Variants in DOCK4 observed in about 807,000 individuals in gnomAD.
The protein encoded by DOCK4 is dedicator of cytokinesis 4.
Under a neutral mutation model 268.1 loss-of-function variants are expected in DOCK4, and 97 were observed. That is an observed-to-expected ratio of 0.36 (90% CI 0.31 to 0.43). The LOEUF (loss-of-function observed/expected upper bound fraction) is 0.43. Ranked by LOEUF, DOCK4 falls within the 20% of genes least tolerant of loss-of-function variation. The pLI is 1.00. For missense variants in DOCK4, 2,145 were observed against 2,455.7 expected (o/e 0.87, Z 2.67); for synonymous variants, 954 against 887.2 (o/e 1.08, Z -1.34).
At chr7:111,796,966 C>T (rs994893717) in intron 30 of DOCK4, among the ~76,000 whole-genome samples, 1 of 152,170 alleles carries the variant, frequency 6.6e-6, no homozygotes, top group Non-Finnish European at 1.5e-5. Context: ...GGAAAACAGT[C>T]GGAGAATGCT....
intron 26 of DOCK4, 47 bp downstream of exon 26, chr7:111,834,541 T>C (rs1490663519): frequency 7.1e-6 from 10 of 1,402,514 alleles, no homozygotes; most frequent in Non-Finnish European, 9.7e-6. Context: ...AAAAACAAGA[T>C]AAACCCAAAA....
At chr7:111,858,879 C>T (rs1244430955) in intron 23 of DOCK4, among the ~76,000 whole-genome samples, 1 of 151,182 alleles carries the variant, frequency 6.6e-6, no homozygotes, top group Non-Finnish European at 1.5e-5. Flanking sequence ...TTCTGTTTCT[C>T]TGGAGAAATC....
intron 26 of DOCK4, among the ~76,000 whole-genome samples, chr7:111,826,143 T>TA (rs1563556319): frequency 1.3e-5 from 2 of 152,170 alleles, no homozygotes; most frequent in Admixed American, 6.5e-5. Context: ...ACCACACAGA[T>TA]ACATGTATGC....
intron 36 of DOCK4, among the ~76,000 whole-genome samples, chr7:111,775,969 C>T (rs956836202): frequency 6.6e-5 from 10 of 152,136 alleles, no homozygotes; most frequent in South Asian, 2.1e-4. Flanking sequence ...GAAAGGGATA[C>T]TAAATTCTGC....
intron 1 of DOCK4, among the ~76,000 whole-genome samples, chr7:112,136,935 G>A (rs1586899604): frequency 6.6e-6 from 1 of 152,254 alleles, no homozygotes; most frequent in Non-Finnish European, 1.5e-5. Flanking sequence ...TGGAATTTGG[G>A]AGAGAGGCAA....
chr7:111,733,374 T>C (rs1795242998), intron 51 of DOCK4, among the ~76,000 whole-genome samples: 1 of 152,226 alleles, frequency 6.6e-6, no homozygotes, highest in African/African-American at 2.4e-5. Flanking sequence ...GAGTGCTCCA[T>C]GATCACACTG....
rs60146972 is a variant in DOCK4 at position 111,976,269 on chromosome 7, T to TTATATA, written c.701+857_701+862dup. ...GTATATATATGTGTATGTGTGTCTA[T>TTATATA]TATATATATATATATATATATATAT... On this transcript the variant is annotated intron_variant, in intron 8 of 52. Coordinates refer to ENST00000428084, the MANE Select transcript of DOCK4 (RefSeq NM_001363540.2). Among the ~76,000 whole-genome samples the TTATATA allele has an allele frequency of 2.4e-3, 81 of 33,136 alleles. 2 individuals carry two copies. The highest frequency in any genetic ancestry group is 3.2e-3 in the African/African-American group (27 of 8,362). 21.7% of individuals were successfully genotyped at this position (33,136 alleles called of 152,430 possible). A position where few individuals can be genotyped will look rare whatever the true frequency, so the allele number is the denominator to read the frequency against.
intron 13 of DOCK4, among the ~76,000 whole-genome samples, chr7:111,911,407 A>T (rs895042740): frequency 2.0e-5 from 3 of 152,200 alleles, no homozygotes; most frequent in Non-Finnish European, 2.9e-5. Flanking sequence ...AGTTGCTTTC[A>T]GTTGTTTAAG....
intron 1 of DOCK4, among the ~76,000 whole-genome samples, chr7:112,011,011 G>C (rs539971171): frequency 6.6e-6 from 1 of 152,334 alleles, no homozygotes; most frequent in African/African-American, 2.4e-5. Flanking sequence ...GTGGCTGGGA[G>C]TGCTGGGGTA....
chr7:112,055,371 C>T (rs1300966306), intron 1 of DOCK4, among the ~76,000 whole-genome samples: 1 of 152,180 alleles, frequency 6.6e-6, no homozygotes, highest in Non-Finnish European at 1.5e-5. Flanking sequence ...CCCACACTCA[C>T]TCAGATGGAG....
At chr7:111,758,164 A>G (rs376985192) in intron 41 of DOCK4, among the ~76,000 whole-genome samples, 6 of 152,202 alleles carry the variant, frequency 3.9e-5, no homozygotes, top group African/African-American at 1.4e-4. Context: ...CCAACGTACC[A>G]GCAGTCTACC....
At chr7:111,835,305 G>A (rs1803153051) in intron 25 of DOCK4, among the ~76,000 whole-genome samples, 1 of 152,134 alleles carries the variant, frequency 6.6e-6, no homozygotes, top group African/African-American at 2.4e-5. Flanking sequence ...GCCATATGTT[G>A]CATAATGTTC....
intron 26 of DOCK4, among the ~76,000 whole-genome samples, chr7:111,825,957 G>T (rs1365619952): frequency 6.6e-6 from 1 of 152,162 alleles, no homozygotes; most frequent in African/African-American, 2.4e-5. Context: ...TTTACTATGT[G>T]CCAGGCACTG....
At chr7:112,140,772 G>C (rs1814844165) in intron 1 of DOCK4, among the ~76,000 whole-genome samples, 1 of 152,010 alleles carries the variant, frequency 6.6e-6, no homozygotes, top group African/African-American at 2.4e-5. Flanking sequence ...GGCTTTGGGA[G>C]AATTCCTTTT....
intron 1 of DOCK4, among the ~76,000 whole-genome samples, chr7:112,114,119 A>G (rs752761693): frequency 6.6e-6 from 1 of 152,016 alleles, no homozygotes; most frequent in Non-Finnish European, 1.5e-5. Context: ...TGGAAACTCA[A>G]CCTACTTCAT....
intron 52 of DOCK4, 113 bp from the exon 53 acceptor site, chr7:111,728,833 G>A: frequency 2.0e-6 from 2 of 995,278 alleles, no homozygotes; most frequent in Non-Finnish European, 2.9e-6. Flanking sequence ...CCCCAAAGCC[G>A]GCTGCAGCAG....
intron 21 of DOCK4, among the ~76,000 whole-genome samples, chr7:111,868,943 A>C (rs1368353949): frequency 6.6e-6 from 1 of 152,202 alleles, no homozygotes; most frequent in Non-Finnish European, 1.5e-5. Flanking sequence ...TACATTGTCT[A>C]CTTAAAGCTA....
intron 4 of DOCK4, among the ~76,000 whole-genome samples, chr7:111,994,963 G>A (rs1330952414): frequency 5.9e-5 from 9 of 151,728 alleles, no homozygotes; most frequent in Non-Finnish European, 1.3e-4. Context: ...TCAATATCTA[G>A]TAGGGTGTGT....
intron 17 of DOCK4, among the ~76,000 whole-genome samples, chr7:111,875,636 G>A (rs1247448085): frequency 1.3e-5 from 2 of 152,250 alleles, no homozygotes; most frequent in African/African-American, 4.8e-5. Context: ...CATAGTCAGA[G>A]AGATGTGAAG....
Sources: gnomAD v4.1 joint callset for allele counts (sites outside exome capture counted in the v4.1 genomes callset) on GRCh38, gnomAD v4.1.1 for gene constraint, MANE v1.5 for transcripts, NCBI Gene and HGNC (gene_info 2026-07-23, HGNC 2026-07-21) for gene names.